SNCG: variants seen among roughly 807,000 people sequenced by gnomAD.
SNCG encodes the protein synuclein gamma, also known as gamma-synuclein.
SNCG carries 13 observed loss-of-function variants against 16.0 expected under a neutral mutation model. That is an observed-to-expected ratio of 0.81 (90% CI 0.53 to 1.29). The LOEUF (loss-of-function observed/expected upper bound fraction) is 1.29. SNCG is among the 50% of genes most tolerant of loss of function. SNCG has a pLI of 0.00. For missense variants in SNCG, 154 were observed against 168.5 expected (o/e 0.91, Z 0.48); for synonymous variants, 66 against 66.3 (o/e 1.00, Z 0.02).
chr10:86,957,120 T>C (rs1844246978), upstream of SNCG, among the ~76,000 whole-genome samples: 1 of 152,222 alleles, frequency 6.6e-6, no homozygotes, highest in Non-Finnish European at 1.5e-5. Flanking sequence ...TGATTGATGG[T>C]AGGAGCTGTG....
In SNCG at chr10:86,958,639, A is replaced by G. The variant is rs1246200916; in HGVS notation, c.-59A>G. 20 of 1,609,206 alleles carry G rather than the reference A, an allele frequency of 1.2e-5. No homozygotes were observed. Among genetic ancestry groups the G allele is most frequent in the Admixed American group, 5.0e-5 (3 of 59,684 alleles). ...AGCACTCGAGCCAGCTCAAGCCCGC[A>G]GCTCGCAGGGAGATCCAGCTCCGTC... On this transcript the variant is annotated 5_prime_UTR_variant, in exon 1 of 5. Transcript: ENST00000372017.
chr10:86,958,548 C>G (rs1435231950), upstream of SNCG: 2 of 1,223,050 alleles, frequency 1.6e-6, no homozygotes, highest in Non-Finnish European at 2.1e-6. Context: ...TGGCTGGGCT[C>G]CAGCTGGCCT....
In SNCG at chr10:86,963,040, A is replaced by T. The variant is rs1589315098; in HGVS notation, c.*55A>T. On this transcript the variant is annotated 3_prime_UTR_variant, in exon 5 of 5. Coordinates refer to ENST00000372017, the MANE Select transcript of SNCG (RefSeq NM_003087.3). ...AGAGCGCTCCTCTGCCTTGGACACC[A>T]TCCCCTCCTAGCACAAGGAGTGCCC... 1.2e-5 allele frequency: 18 copies of T among 1,547,092 alleles called. No homozygotes were observed. The Admixed American group carries it at 3.5e-4, about 30-fold the overall frequency.
chr10:86,958,296 C>A (rs1411732139), upstream of SNCG: 2 of 984,492 alleles, frequency 2.0e-6, no homozygotes, highest in African/African-American at 1.7e-5. Context: ...AGACACAGCA[C>A]CCCTGGGGCC....
chr10:86,958,170 G>C, upstream of SNCG: 1 of 983,090 alleles, frequency 1.0e-6, no homozygotes, highest in Non-Finnish European at 1.2e-6. Context: ...CCCAGGCCGC[G>C]GGAGGTTGGC....
At chr10:86,956,769 A>AG (rs1315553546), upstream of SNCG, among the ~76,000 whole-genome samples, 1 of 152,194 alleles carries the variant, frequency 6.6e-6, no homozygotes, top group Non-Finnish European at 1.5e-5. Context: ...GTTGGAGATG[A>AG]GGGGGGACTT....
upstream of SNCG, chr10:86,957,548 G>C: frequency 6.2e-7 from 1 of 1,603,772 alleles, no homozygotes; most frequent in Non-Finnish European, 8.5e-7. Flanking sequence ...TCATCTTGGT[G>C]GTGGGGCAGG....
chr10:86,962,575 G>A, intron 3 of SNCG, 29 bp from the exon 4 acceptor site: 1 of 1,560,974 alleles, frequency 6.4e-7, no homozygotes, highest in Non-Finnish European at 8.8e-7. Context: ...TTCTCCACAT[G>A]GTCTCATGCC....
upstream of SNCG, chr10:86,958,483 A>G: frequency 7.2e-7 from 1 of 1,390,602 alleles, no homozygotes; most frequent in African/African-American, 1.5e-5. Context: ...GAGGAAGGTG[A>G]GGCTGAACCT....
At chr10:86,957,678 C>T (rs753228321), upstream of SNCG, 11 of 1,347,192 alleles carry the variant, frequency 8.2e-6, no homozygotes, top group African/African-American at 8.8e-5. Context: ...TGGCCTGGGC[C>T]GGCCTACCCG....
At position 86,959,949 on chromosome 10, in the gene SNCG, G is replaced by A. The variant is rs1018258978; in HGVS notation, c.164-52G>A. The A allele has an allele frequency of 6.4e-7, 1 of 1,555,970 alleles. No individual in the cohort carries two copies. The highest frequency in any genetic ancestry group is 8.7e-7 in the Non-Finnish European group (1 of 1,150,352). On this transcript the variant is annotated intron_variant, in intron 2 of 4. Transcript: ENST00000372017. This position sits in a 1 kb window ranked among gnomAD's most constrained non-coding sequence, Gnocchi z 4.3. The stretch of plus-strand genomic sequence containing the variant: ...GGGGCTGCGAGCCTGACTCCAGCAG[G>A]CCTGCCTTGGGGCTGGGGCTGGGGT...
In SNCG at chr10:86,958,730, C is replaced by A; in HGVS notation, c.33C>A (p.Ala11=). ...TCTTCAAGAAGGGCTTCTCCATCGC[C>A]AAGGAGGGCGTGGTGGGTGCGGTGG... MDVFKKGFSI[A]KEGVVGAVEK... is the part of the protein sequence containing the mutation. The change falls in exon 1 of 5, where the codon GCC becomes GCA. Residue 11 remains alanine, a synonymous_variant. Coordinates refer to ENST00000372017, the MANE Select transcript of SNCG (RefSeq NM_003087.3). The A allele has an allele frequency of 6.2e-7, 1 of 1,614,056 alleles. No homozygotes were observed. The highest frequency in any genetic ancestry group is 8.5e-7 in the Non-Finnish European group (1 of 1,179,992).
upstream of SNCG, chr10:86,958,169 C>CG: frequency 5.1e-6 from 5 of 982,890 alleles, no homozygotes; most frequent in Non-Finnish European, 6.0e-6. Context: ...GCCCAGGCCG[C>CG]GGGAGGTTGG....
In SNCG at chr10:86,962,709, G is replaced by A. The variant is rs775739936; in HGVS notation, c.363+34G>A. 4 of 1,550,506 alleles carry A rather than the reference G, an allele frequency of 2.6e-6. No homozygotes were observed. In the Admixed American group the frequency reaches 5.2e-5, roughly 20 times the overall value. Reference sequence around the variant, plus strand: ...TGGGCTCCTGGGGTGCACCATGGGGGGTTCCTTGGTAGGGACCCCATCCCC... The same window carrying A: ...TGGGCTCCTGGGGTGCACCATGGGGAGTTCCTTGGTAGGGACCCCATCCCC... On this transcript the variant is annotated intron_variant, in intron 4 of 4. Coordinates refer to ENST00000372017, the MANE Select transcript of SNCG (RefSeq NM_003087.3).
intron 4 of SNCG, 57 bp downstream of exon 4, chr10:86,962,732 C>A: frequency 7.0e-7 from 1 of 1,420,698 alleles, no homozygotes; most frequent in Non-Finnish European, 9.8e-7. Context: ...GGACCCCATC[C>A]CCCACAGACG....
Position 86,963,121 on chromosome 10 carries a change from T to C in SNCG, c.*136T>C. Reference sequence around the variant, plus strand: ...CTGCCCTCGTCTCCCTGGCCACCCTTGGCCTGTCCACCTGTGCTGCTGCAC... The same window carrying C: ...CTGCCCTCGTCTCCCTGGCCACCCTCGGCCTGTCCACCTGTGCTGCTGCAC... On this transcript the variant is annotated 3_prime_UTR_variant, in exon 5 of 5. Coordinates refer to ENST00000372017, the MANE Select transcript of SNCG (RefSeq NM_003087.3). The C allele has an allele frequency of 1.2e-6, 1 of 847,558 alleles. No individual in the cohort carries two copies. 52.5% of individuals were successfully genotyped at this position (847,558 alleles called of 1,614,324 possible).
intron 3 of SNCG, among the ~76,000 whole-genome samples, chr10:86,960,355 G>A (rs1392919199): frequency 6.6e-6 from 1 of 152,204 alleles, no homozygotes; most frequent in Admixed American, 6.5e-5. Context: ...GGACTTGGGA[G>A]CCCATCTCAT....
At chr10:86,957,509 G>T, upstream of SNCG, 1 of 1,612,546 alleles carries the variant, frequency 6.2e-7, no homozygotes. Context: ...AGCCCAGGGG[G>T]CCCCCAAGGC....
Position 86,959,575 on chromosome 10 carries a change from C to G in SNCG, c.122-58C>G. The G allele has an allele frequency of 6.5e-7, 1 of 1,539,732 alleles. No homozygotes were observed. Among genetic ancestry groups the G allele is most frequent in the East Asian group, 2.2e-5 (1 of 44,474 alleles). On this transcript the variant is annotated intron_variant, in intron 1 of 4. Transcript: ENST00000372017. The surrounding 1 kb of genome is among the most constrained non-coding windows in gnomAD (Gnocchi z 4.3). ...GTCCAGCTGTTCTGTTGTGTTTGTCCTGACCGCCCCCAACACCTCGAGGGA... is the reference window on the plus strand; with the variant it reads ...GTCCAGCTGTTCTGTTGTGTTTGTCGTGACCGCCCCCAACACCTCGAGGGA...
Sources: allele counts gnomAD v4.1 joint callset (sites outside exome capture counted in the v4.1 genomes callset), GRCh38; gene constraint gnomAD v4.1.1; non-coding constraint Gnocchi (gnomAD v3.1); transcripts MANE v1.5; gene names NCBI Gene and HGNC (gene_info 2026-07-23, HGNC 2026-07-21).